PHEX: variants seen among roughly 807,000 people sequenced by gnomAD.
PHEX encodes phosphate-regulating neutral endopeptidase PHEX.
PHEX carries 16 observed loss-of-function variants against 68.0 expected under a neutral mutation model. That is an observed-to-expected ratio of 0.24 (90% CI 0.16 to 0.36). The LOEUF (loss-of-function observed/expected upper bound fraction) is 0.36, where lower values mean the gene tolerates loss of function less well. PHEX is among the 10% of genes least tolerant of loss of function. The probability of loss-of-function intolerance (pLI) is 1.00; values close to 1 mark genes in which losing one functional copy is unlikely to be tolerated. For missense variants in PHEX, 480 were observed against 575.5 expected, an observed-to-expected ratio of 0.83 and a Z score of 1.70; for synonymous variants, 208 against 205.1, an observed-to-expected ratio of 1.01 and a Z score of -0.12.
chrX:22,095,329 C>T (rs1930087338), intron 7 of PHEX, among the ~76,000 whole-genome samples: 1 of 111,966 alleles, frequency 8.9e-6, no homozygotes, highest in Non-Finnish European at 1.9e-5. Flanking sequence ...ATAGGAGGCC[C>T]AGGGCTCTCA....
chrX:22,038,411 G>T, intron 1 of PHEX, 58 bp from the exon 2 acceptor site: 1 of 710,550 alleles, frequency 1.4e-6, no homozygotes, highest in South Asian at 2.1e-5. Flanking sequence ...TTCCGAGGGT[G>T]GTTTACCGGA....
At chrX:22,134,360 G>A (rs919655444) in intron 12 of PHEX, among the ~76,000 whole-genome samples, 15 of 112,502 alleles carry the variant, frequency 1.3e-4, no homozygotes, top group South Asian at 3.6e-4. Flanking sequence ...GGAGGCTGAG[G>A]CAGGTGGATC....
rs751295282 is a variant in PHEX at position 22,250,603 on chromosome X, A to C, written c.*2650A>C. 5 of 111,370 alleles carry C rather than the reference A, an allele frequency of 4.5e-5. No individual in the cohort carries two copies. The highest frequency in any genetic ancestry group is 1.6e-4 in the African/African-American group (5 of 30,645). The allele number at this position is 111,370 out of a possible 1,213,427, so 9.2% of individuals were successfully genotyped here. A position where few individuals can be genotyped will look rare whatever the true frequency, so the allele number is the denominator to read the frequency against. On this transcript the variant is annotated 3_prime_UTR_variant, in exon 22 of 22. Transcript: ENST00000379374. ...TGAAAATCTCCTGGATTAGTAAAAAAATTTTCTAGATATAAAGTGGTTTTA... is the reference window on the plus strand; with the variant it reads ...TGAAAATCTCCTGGATTAGTAAAAACATTTTCTAGATATAAAGTGGTTTTA...
chrX:22,094,245 T>C (rs1930035297), intron 7 of PHEX, 146 bp downstream of exon 7: 1 of 408,234 alleles, frequency 2.4e-6, no homozygotes, highest in Non-Finnish European at 4.6e-6. Flanking sequence ...TCATTGCCCA[T>C]TGGGCCCAAG....
intron 14 of PHEX, among the ~76,000 whole-genome samples, chrX:22,188,971 G>A (rs906873565): frequency 1.8e-4 from 20 of 111,813 alleles, no homozygotes; most frequent in African/African-American, 4.9e-4. Flanking sequence ...GAGTTCAATC[G>A]TTTTGGTTTT....
intron 7 of PHEX, among the ~76,000 whole-genome samples, chrX:22,094,409 T>C (rs1175945936): frequency 8.9e-6 from 1 of 112,010 alleles, no homozygotes; most frequent in Non-Finnish European, 1.9e-5. Flanking sequence ...TGACCGTTTT[T>C]CCTGGAGAAA....
intron 20 of PHEX, among the ~76,000 whole-genome samples, chrX:22,238,657 T>C (rs1411517594): frequency 9.0e-6 from 1 of 111,562 alleles, no homozygotes; most frequent in African/African-American, 3.3e-5. Flanking sequence ...ACTGGGAAGT[T>C]TGAACTAGGT....
At chrX:22,080,059 A>C (rs917646374) in intron 5 of PHEX, among the ~76,000 whole-genome samples, 1 of 111,645 alleles carries the variant, frequency 9.0e-6, no homozygotes, top group Admixed American at 9.5e-5. Flanking sequence ...ATCAGTAGGA[A>C]GTGCACACTA....
chrX:22,049,581 G>A (rs1927715904), intron 3 of PHEX, among the ~76,000 whole-genome samples: 1 of 110,465 alleles, frequency 9.1e-6, no homozygotes, highest in Non-Finnish European at 1.9e-5. Flanking sequence ...CTTTTAGAAA[G>A]TTTATTTCAG....
intron 12 of PHEX, 128 bp from the exon 13 acceptor site, chrX:22,168,184 A>G: frequency 1.8e-6 from 1 of 545,821 alleles, no homozygotes; most frequent in Non-Finnish European, 3.3e-6. Flanking sequence ...TGCCCTTCAC[A>G]GTGGCTTGCA....
chrX:22,083,254 C>A (rs1020949454), intron 5 of PHEX, among the ~76,000 whole-genome samples: 1 of 111,973 alleles, frequency 8.9e-6, no homozygotes, highest in African/African-American at 3.2e-5. Flanking sequence ...CTAGGAAATA[C>A]CATTCCAGAC....
At chrX:22,037,758 A>G (rs1927091821) in intron 1 of PHEX, among the ~76,000 whole-genome samples, 1 of 110,465 alleles carries the variant, frequency 9.1e-6, no homozygotes, top group South Asian at 3.9e-4. Context: ...GCGGACAATG[A>G]CTGTTGCTAT....
In PHEX at chrX:22,069,606, T is replaced by G. The variant is rs7061135; in HGVS notation, c.350-6782T>G. On this transcript the variant is annotated intron_variant, in intron 3 of 21. Coordinates refer to ENST00000379374, the MANE Select transcript of PHEX (RefSeq NM_000444.6). ...TAAAATCATCTCTGCACCTTTTTCT[T>G]AAGCTGATGCTAACCAACAATTATC... Among the ~76,000 whole-genome samples, 713 of 112,198 alleles carry G rather than the reference T, an allele frequency of 6.4e-3. 6 individuals carry two copies. Among genetic ancestry groups the G allele is most frequent in the African/African-American group, 0.022 (667 of 30,892 alleles).
At chrX:22,068,805 G>A (rs1928741224) in intron 3 of PHEX, among the ~76,000 whole-genome samples, 1 of 111,720 alleles carries the variant, frequency 9.0e-6, no homozygotes, top group Admixed American at 9.6e-5. Flanking sequence ...AAACATACAC[G>A]GCTTTTTCCT....
At chrX:22,088,458 C>T (rs1602282944) in intron 5 of PHEX, among the ~76,000 whole-genome samples, 1 of 111,439 alleles carries the variant, frequency 9.0e-6, no homozygotes, top group African/African-American at 3.3e-5. Context: ...AACTTTTCCA[C>T]GTCCCCACCA....
chrX:22,162,490 T>C (rs1446245227), intron 12 of PHEX, among the ~76,000 whole-genome samples: 1 of 111,680 alleles, frequency 9.0e-6, no homozygotes, highest in Non-Finnish European at 1.9e-5. Context: ...ACATCACAGT[T>C]ACTCCAAATC....
chrX:22,239,246 A>C (rs1936097621), intron 20 of PHEX, among the ~76,000 whole-genome samples: 1 of 111,801 alleles, frequency 8.9e-6, no homozygotes, highest in Non-Finnish European at 1.9e-5. Context: ...AGCATCAAAG[A>C]CCAAAGGTAG....
intron 14 of PHEX, among the ~76,000 whole-genome samples, chrX:22,181,580 T>G (rs1241061994): frequency 8.9e-6 from 1 of 112,015 alleles, no homozygotes; most frequent in Non-Finnish European, 1.9e-5. Flanking sequence ...TGTGGTTCCA[T>G]ATAAATTTTA....
intron 3 of PHEX, among the ~76,000 whole-genome samples, chrX:22,055,149 C>A: frequency 1.1e-5 from 1 of 87,053 alleles, no homozygotes. Context: ...CACTCCAGTC[C>A]GGGCAACAGA....
Sources: gnomAD v4.1 joint callset for allele counts (sites outside exome capture counted in the v4.1 genomes callset) on GRCh38, gnomAD v4.1.1 for gene constraint, MANE v1.5 for transcripts, NCBI Gene and HGNC (gene_info 2026-07-23, HGNC 2026-07-21) for gene names.